The following EEF2K variants were observed in gnomAD, a reference collection of about 807,000 sequenced individuals.
The protein encoded by EEF2K is alternative protein EEF2K.
In EEF2K, 70 loss-of-function variants were observed where a neutral mutation model predicts 93.8. The observed-to-expected ratio is 0.75, with a 90% CI of 0.62 to 0.91. The LOEUF (loss-of-function observed/expected upper bound fraction) is 0.91, where lower values mean the gene tolerates loss of function less well. Among genes scored for constraint, EEF2K ranks in the 40% least tolerant of loss-of-function variants. The pLI is 0.00. For missense variants in EEF2K, 935 were observed against 972.9 expected, an observed-to-expected ratio of 0.96 and a Z score of 0.52; for synonymous variants, 376 against 380.8, an observed-to-expected ratio of 0.99 and a Z score of 0.15.
At chr16:22,263,313 T>C in intron 12 of EEF2K, 126 bp downstream of exon 12, 1 of 848,840 alleles carries the variant, frequency 1.2e-6, no homozygotes, top group South Asian at 2.0e-5. Context: ...AGTAAATTAA[T>C]AAAGAGTATT....
chr16:22,237,956 T>C lies in EEF2K; in HGVS notation c.247-6674T>C, dbSNP rs576444397. The stretch of plus-strand genomic sequence containing the variant: ...AAGTGGTATCATAGTGTTTGTATTG[T>C]TCTGTAACTTGCTTTTTTCCCCCCT... On this transcript the variant is annotated intron_variant, in intron 2 of 17. Coordinates refer to ENST00000263026, the MANE Select transcript of EEF2K (RefSeq NM_013302.5). 6.6e-5 allele frequency among the ~76,000 whole-genome samples: 10 copies of C among 152,288 alleles called. No homozygotes were observed. The South Asian group carries it at 1.7e-3, about 25-fold the overall frequency.
intron 13 of EEF2K, 117 bp from the exon 14 acceptor site, chr16:22,266,273 G>A: frequency 7.1e-7 from 1 of 1,415,854 alleles, no homozygotes; most frequent in South Asian, 1.5e-5. Flanking sequence ...TTGACATCGT[G>A]AGGGTTCACT....
intron 2 of EEF2K, among the ~76,000 whole-genome samples, chr16:22,234,556 A>AT (rs1381733208): frequency 6.6e-6 from 1 of 150,870 alleles, no homozygotes; most frequent in African/African-American, 2.5e-5. Context: ...AAAAAAAAAA[A>AT]TTTTAGCAGT....
intron 2 of EEF2K, among the ~76,000 whole-genome samples, chr16:22,232,192 T>G (rs1323547486): frequency 6.6e-6 from 1 of 151,978 alleles, no homozygotes; most frequent in Non-Finnish European, 1.5e-5. Flanking sequence ...CTATCAAAAT[T>G]ACAGTTCTGC....
At chr16:22,275,682 C>T (rs192331390) in intron 16 of EEF2K, among the ~76,000 whole-genome samples, 2 of 148,156 alleles carry the variant, frequency 1.3e-5, no homozygotes, top group Admixed American at 1.4e-4. Context: ...TCTCTGTATC[C>T]CAGGCTGGAG....
At chr16:22,270,713 C>A (rs2047570812) in intron 15 of EEF2K, among the ~76,000 whole-genome samples, 1 of 152,018 alleles carries the variant, frequency 6.6e-6, no homozygotes, top group Non-Finnish European at 1.5e-5. Flanking sequence ...CATGAAACTG[C>A]TATTTTGGAA....
chr16:22,258,868 A>T, intron 10 of EEF2K, 173 bp downstream of exon 10: 1 of 803,700 alleles, frequency 1.2e-6, no homozygotes, highest in South Asian at 1.9e-5. Context: ...GATCATCCAA[A>T]TGCTATAAAA....
In EEF2K at chr16:22,266,487, A is replaced by G. The variant is rs1195686029; in HGVS notation, c.1538A>G (p.Asp513Gly). Residue 513 changes from aspartate to glycine, a missense_variant, in exon 14 of 18, where the codon GAC becomes GGC. By Grantham distance (94) the Asp-to-Gly change is moderately conservative. Coordinates refer to ENST00000263026, the MANE Select transcript of EEF2K (RefSeq NM_013302.5). Reference sequence around the variant, plus strand: ...GAAGTGCAAAGGCTTAATGCTCTGGACCTCGAAAAGAAAATCGGGAAGTCC... The same window carrying G: ...GAAGTGCAAAGGCTTAATGCTCTGGGCCTCGAAAAGAAAATCGGGAAGTCC... ...ALEVQRLNAL[D>G]LEKKIGKSIL... 5 of 1,614,012 alleles carry G rather than the reference A, an allele frequency of 3.1e-6. No individual in the cohort carries two copies. Among genetic ancestry groups the G allele is most frequent in the Non-Finnish European group, 4.2e-6 (5 of 1,180,032 alleles).
rs961195669 is a variant in EEF2K at position 22,225,895 on chromosome 16, G to A, written c.166G>A (p.Val56Ile). 20 of 1,614,020 alleles carry A rather than the reference G, an allele frequency of 1.2e-5. No individual in the cohort carries two copies. The highest frequency in any genetic ancestry group is 1.7e-5 in the Non-Finnish European group (20 of 1,180,050). ...PSSNQNVNSKVNKYYSNLTKS... is the reference protein window; with the variant it reads ...PSSNQNVNSKINKYYSNLTKS... ...CTCGAACCAGAATGTCAATTCCAAG[G>A]TTAATAAGTACTACAGCAACCTAAC... The change falls in exon 2 of 18, where the codon GTT becomes ATT. Residue 56 changes from valine (V) to isoleucine (I), a missense_variant. Coordinates refer to ENST00000263026, the MANE Select transcript of EEF2K (RefSeq NM_013302.5).
At chr16:22,249,733 G>A (rs962460187) in intron 4 of EEF2K, among the ~76,000 whole-genome samples, 1 of 150,768 alleles carries the variant, frequency 6.6e-6, no homozygotes, top group African/African-American at 2.4e-5. Context: ...TCAGCCTCCC[G>A]AGTAGCTCAG....
rs539041938 is a variant in EEF2K, at chr16:22,235,953, A to G, written c.247-8677A>G. On this transcript the variant is annotated intron_variant, in intron 2 of 17. Transcript: ENST00000263026. ...GTTGGGACTAAAGGCATGCGCCATC[A>G]CGCCTGGCTAATTTTTGTATTTTTT... Among the ~76,000 whole-genome samples the G allele has an allele frequency of 6.6e-5, 10 of 150,732 alleles. No individual in the cohort carries two copies. The South Asian group carries it at 1.3e-3, about 19-fold the overall frequency.
intron 1 of EEF2K, among the ~76,000 whole-genome samples, chr16:22,212,485 C>T (rs1293974243): frequency 6.6e-6 from 1 of 152,054 alleles, no homozygotes; most frequent in Non-Finnish European, 1.5e-5. Flanking sequence ...CCACCACACC[C>T]AGCTGGTTTT....
intron 4 of EEF2K, 57 bp downstream of exon 4, chr16:22,248,872 A>G: frequency 1.3e-6 from 2 of 1,584,362 alleles, no homozygotes; most frequent in Non-Finnish European, 1.7e-6. Flanking sequence ...TTCTGCAGCT[A>G]ACTTTGGTCT....
In EEF2K at chr16:22,233,619, A is replaced by T. The variant is rs1477637151; in HGVS notation, c.246+7644A>T. On this transcript the variant is annotated intron_variant, in intron 2 of 17. Transcript: ENST00000263026. ...GGAGAATCACTTGAACCTGGGAGGC[A>T]GAGGCTGCAGTGAGAGATTGCACCA... Among the ~76,000 whole-genome samples the T allele has an allele frequency of 2.0e-5, 3 of 152,030 alleles. No individual in the cohort carries two copies. In the South Asian group the frequency reaches 6.2e-4, roughly 32 times the overall value.
Position 22,225,781 on chromosome 16 carries a change from TC to T in EEF2K, c.58del (p.Arg20GlufsTer44). The T allele has an allele frequency of 6.2e-7, 1 of 1,614,042 alleles. No homozygotes were observed. Among genetic ancestry groups the T allele is most frequent in the Admixed American group, 1.7e-5 (1 of 60,000 alleles). ...FRLEGVDGGQ[S>X]PRAGHDGDSD... Reference sequence around the variant, plus strand: ...CCTGGAAGGCGTTGATGGCGGCCAGTCCCCCCGAGCTGGCCATGATGGTGAT... The same window carrying T: ...CCTGGAAGGCGTTGATGGCGGCCAGTCCCCCGAGCTGGCCATGATGGTGAT... On this transcript the variant is annotated frameshift_variant, in exon 2 of 18. Coordinates refer to ENST00000263026, the MANE Select transcript of EEF2K (RefSeq NM_013302.5). LOFTEE classifies it high-confidence loss of function.
intron 3 of EEF2K, among the ~76,000 whole-genome samples, 153 bp from the exon 4 acceptor site, chr16:22,248,602 C>G (rs2047317969): frequency 6.6e-6 from 1 of 152,120 alleles, no homozygotes; most frequent in African/African-American, 2.4e-5. Context: ...TGTCTCCAAC[C>G]CAACCCAGGA....
intron 17 of EEF2K, 76 bp from the exon 18 acceptor site, chr16:22,283,811 G>A: frequency 1.5e-6 from 2 of 1,357,556 alleles, no homozygotes; most frequent in Non-Finnish European, 1.0e-6. Flanking sequence ...TCTTCTGGGA[G>A]GGGTGATGGG....
chr16:22,208,953 C>G (rs888209979), intron 1 of EEF2K, among the ~76,000 whole-genome samples: 1 of 152,102 alleles, frequency 6.6e-6, no homozygotes, highest in Non-Finnish European at 1.5e-5. Flanking sequence ...CTAAAAACCT[C>G]TCACTCTTTC....
In EEF2K at chr16:22,263,107, CAGG is replaced by C; in HGVS notation, c.1300_1302del (p.Glu434del). 1 of 1,611,234 alleles carries C rather than the reference CAGG, an allele frequency of 6.2e-7. No homozygotes were observed. Among genetic ancestry groups the C allele is most frequent in the Non-Finnish European group, 8.5e-7 (1 of 1,178,588 alleles). On this transcript the variant is annotated splice_acceptor_variant and coding_sequence_variant, in exon 12 of 18. Coordinates refer to ENST00000263026, the MANE Select transcript of EEF2K (RefSeq NM_013302.5). LOFTEE classifies it high-confidence loss of function. Reference sequence around the variant, plus strand: ...GGACCCTAAGGCCGTCTTCTCTCCACAGGAGTCTGAGAATAGTGGGGACAGCGG... The same window carrying C: ...GGACCCTAAGGCCGTCTTCTCTCCACAGTCTGAGAATAGTGGGGACAGCGG...
Sources: gnomAD v4.1 joint callset for allele counts (sites outside exome capture counted in the v4.1 genomes callset) on GRCh38, gnomAD v4.1.1 for gene constraint, MANE v1.5 for transcripts, NCBI Gene and HGNC (gene_info 2026-07-23, HGNC 2026-07-21) for gene names.